Variants in SPMIP6 observed in about 807,000 individuals in gnomAD.
The protein encoded by SPMIP6 is sperm microtubule inner protein 6.
chr9:34,380,899 T>C, the SPMIP6 span: 5 of 1,564,144 alleles, frequency 3.2e-6, no homozygotes, highest in South Asian at 2.3e-5. Flanking sequence ...CTGCGAACCT[T>C]ACAGTCGGTT....
At chr9:34,394,996 C>T in the SPMIP6 span, among the ~76,000 whole-genome samples, 4 of 150,430 alleles carry the variant, frequency 2.7e-5, no homozygotes, top group East Asian at 1.9e-4. Context: ...GACAGGGCCT[C>T]GCTCTGTCAT....
chr9:34,384,862 G>A, the SPMIP6 span, among the ~76,000 whole-genome samples: 1 of 152,196 alleles, frequency 6.6e-6, no homozygotes, highest in African/African-American at 2.4e-5. Flanking sequence ...AACCTAGGCT[G>A]TTGAGAACAG....
chr9:34,386,587 CAAAAA>C, the SPMIP6 span, among the ~76,000 whole-genome samples: 3 of 127,114 alleles, frequency 2.4e-5, no homozygotes, highest in African/African-American at 3.0e-5. Flanking sequence ...GACTTCGTCT[CAAAAA>C]AAAAAAAAAA....
the SPMIP6 span, chr9:34,381,360 A>T: frequency 6.2e-7 from 1 of 1,610,276 alleles, no homozygotes; most frequent in Non-Finnish European, 8.5e-7. This position sits in a 1 kb window ranked among gnomAD's most constrained non-coding sequence, Gnocchi z 4.4. Flanking sequence ...CCCCACTACC[A>T]CTCTTTACCG....
chr9:34,382,145 G>A, the SPMIP6 span, among the ~76,000 whole-genome samples: 2 of 152,142 alleles, frequency 1.3e-5, no homozygotes, highest in Non-Finnish European at 2.9e-5. Context: ...GGCAAGCTTC[G>A]GAAAGGTAGT....
At chr9:34,380,837 G>GGGGTCGGGGGGGGGGT in the SPMIP6 span, 1 of 1,137,588 alleles carries the variant, frequency 8.8e-7, no homozygotes, top group Non-Finnish European at 1.3e-6. Flanking sequence ...AGGGGGCGGG[G>GGGGTCGGGGGGGGGGT]TTCTGGGGCG....
chr9:34,381,610 G>A, the SPMIP6 span: 1 of 1,442,702 alleles, frequency 6.9e-7, no homozygotes, highest in Non-Finnish European at 9.1e-7. This position sits in a 1 kb window ranked among gnomAD's most constrained non-coding sequence, Gnocchi z 4.4. Flanking sequence ...ACCGGGCAAC[G>A]CTTTTACATC....
the SPMIP6 span, chr9:34,385,832 C>T: frequency 1.3e-6 from 2 of 1,571,676 alleles, no homozygotes; most frequent in Admixed American, 1.8e-5. Context: ...GACCCCAGCC[C>T]TGGGGTCTTG....
At chr9:34,385,601 G>T in the SPMIP6 span, 1 of 1,602,708 alleles carries the variant, frequency 6.2e-7, no homozygotes. Context: ...TCAGGTTGGG[G>T]GTCATTTTAG....
At chr9:34,389,178 C>A in the SPMIP6 span, among the ~76,000 whole-genome samples, 2 of 152,086 alleles carry the variant, frequency 1.3e-5, no homozygotes, top group African/African-American at 4.8e-5. Context: ...CTCAAGTGAT[C>A]CTCCTGCCTT....
At chr9:34,393,408 T>C in the SPMIP6 span, among the ~76,000 whole-genome samples, 1 of 152,248 alleles carries the variant, frequency 6.6e-6, no homozygotes, top group Non-Finnish European at 1.5e-5. Flanking sequence ...AGTTCCTTTA[T>C]TGTATATAGA....
chr9:34,396,793 C>T, the SPMIP6 span, among the ~76,000 whole-genome samples: 2 of 152,218 alleles, frequency 1.3e-5, no homozygotes, highest in Non-Finnish European at 2.9e-5. Flanking sequence ...CATCGGGCAA[C>T]TCTACTTTGT....
At chr9:34,380,914 C>T in the SPMIP6 span, 1 of 1,589,402 alleles carries the variant, frequency 6.3e-7, no homozygotes, top group Non-Finnish European at 8.5e-7. Context: ...TCGGTTGCTC[C>T]CGGCACCAAG....
the SPMIP6 span, chr9:34,397,557 T>G: frequency 6.2e-7 from 1 of 1,613,654 alleles, no homozygotes; most frequent in South Asian, 1.1e-5. Context: ...ATAGACCTCC[T>G]TGATGGAGGT....
At chr9:34,384,936 G>A in the SPMIP6 span, among the ~76,000 whole-genome samples, 2 of 152,116 alleles carry the variant, frequency 1.3e-5, no homozygotes, top group South Asian at 4.2e-4. Context: ...GGAAAGAGGT[G>A]TGGTGGGGCA....
chr9:34,390,478 ATCT>A, the SPMIP6 span, among the ~76,000 whole-genome samples: 1 of 152,084 alleles, frequency 6.6e-6, no homozygotes, highest in East Asian at 1.9e-4. Context: ...TTTTGAAATG[ATCT>A]TCTGTTTTTT....
At chr9:34,380,412 C>T in the SPMIP6 span, among the ~76,000 whole-genome samples, 7 of 152,152 alleles carry the variant, frequency 4.6e-5, no homozygotes, top group African/African-American at 1.2e-4. Context: ...GCTCACGTAG[C>T]CCCCAGGAAT....
the SPMIP6 span, chr9:34,382,898 A>C: frequency 7.3e-7 from 1 of 1,374,998 alleles, no homozygotes; most frequent in Non-Finnish European, 1.0e-6. Context: ...GATGTCAAAT[A>C]GTGTTACTTC....
At chr9:34,388,338 G>C in the SPMIP6 span, among the ~76,000 whole-genome samples, 36 of 149,084 alleles carry the variant, frequency 2.4e-4, no homozygotes, top group Middle Eastern at 3.5e-3. Flanking sequence ...TTTTAGTGGA[G>C]ACGGGGTTTC....
Sources: allele counts gnomAD v4.1 joint callset (sites outside exome capture counted in the v4.1 genomes callset), GRCh38; gene constraint gnomAD v4.1.1; non-coding constraint Gnocchi (gnomAD v3.1); transcripts MANE v1.5; gene names NCBI Gene and HGNC (gene_info 2026-07-23, HGNC 2026-07-21).